The following INTU variants were observed in gnomAD, a reference collection of about 807,000 sequenced individuals.
The protein encoded by INTU is protein inturned.
In INTU, 68 loss-of-function variants were observed where a neutral mutation model predicts 100.5. The observed-to-expected ratio is 0.68, with a 90% CI of 0.56 to 0.83. The LOEUF is 0.83. Among genes scored for constraint, INTU ranks in the 40% least tolerant of loss-of-function variants. INTU has a pLI of 0.00. For missense variants in INTU, 1,071 were observed against 1,114.7 expected (o/e 0.96, Z 0.56); for synonymous variants, 357 against 395.7 (o/e 0.90, Z 1.16).
At chr4:127,638,085 C>A (rs1363297435) in intron 1 of INTU, among the ~76,000 whole-genome samples, 1 of 152,056 alleles carries the variant, frequency 6.6e-6, no homozygotes, top group Non-Finnish European at 1.5e-5. Context: ...GATCAGAAGA[C>A]CATCAAGAGT....
intron 2 of INTU, among the ~76,000 whole-genome samples, chr4:127,655,608 A>G (rs936780095): frequency 1.3e-5 from 2 of 151,226 alleles, no homozygotes; most frequent in Admixed American, 1.3e-4. Flanking sequence ...GTGCTGGGAG[A>G]ACCACTGCTC....
intron 2 of INTU, among the ~76,000 whole-genome samples, chr4:127,651,895 T>A (rs1330401869): frequency 2.0e-5 from 3 of 151,266 alleles, no homozygotes; most frequent in Non-Finnish European, 3.0e-5. Flanking sequence ...TTTATTTCCT[T>A]GAGCAGTGGT....
intron 15 of INTU, among the ~76,000 whole-genome samples, chr4:127,715,568 A>G (rs62334041): frequency 0.018 from 2,779 of 152,288 alleles, 46 homozygotes; most frequent in Non-Finnish European, 0.028. Context: ...ACATCAGTGT[A>G]AGCTTAATTC....
intron 1 of INTU, among the ~76,000 whole-genome samples, chr4:127,638,402 C>T (rs1359882902): frequency 3.3e-5 from 5 of 152,106 alleles, no homozygotes; most frequent in South Asian, 2.1e-4. Context: ...AGGAAATGTG[C>T]CAGTGGGGCT....
chr4:127,635,902 G>A (rs1209159948), intron 1 of INTU, among the ~76,000 whole-genome samples: 5 of 152,092 alleles, frequency 3.3e-5, no homozygotes, highest in Non-Finnish European at 1.5e-5. Flanking sequence ...CAGTATGAAT[G>A]TTCTTTTTTG....
Position 127,643,845 on chromosome 4 carries a change from A to T in INTU, c.471A>T (p.Arg157=), listed in dbSNP as rs3749507. 6.2e-7 allele frequency: 1 copy of T among 1,613,716 alleles called. No homozygotes were observed. The highest frequency in any genetic ancestry group is 1.1e-5 in the South Asian group (1 of 91,068). ...AGACAGGAGTCATTGTCCAACAGCG[A>T]TACAAAGATGTGAATGTTTATGTAA... ...NQKTGVIVQQ[R]YKDVNVYVNP... The change falls in exon 2 of 16, where the codon CGA becomes CGT. Residue 157 remains arginine (R), a synonymous_variant. Coordinates refer to ENST00000335251, the MANE Select transcript of INTU (RefSeq NM_015693.4).
chr4:127,672,074 T>C (rs1240941602), intron 5 of INTU, among the ~76,000 whole-genome samples: 2 of 152,132 alleles, frequency 1.3e-5, no homozygotes, highest in Non-Finnish European at 2.9e-5. Context: ...ATGGTTACAC[T>C]AAAAGCCCAG....
rs1731338258 is a variant in INTU, at chr4:127,720,989, T to A, written c.*4553T>A. On this transcript the variant is annotated 3_prime_UTR_variant, in exon 16 of 16. Coordinates refer to ENST00000335251, the MANE Select transcript of INTU (RefSeq NM_015693.4). The stretch of plus-strand genomic sequence containing the variant: ...TTTACATTTAAGGTTAATATTGTTA[T>A]GTGTGAATTTTATCCTGACATCATG... 1 of 152,202 alleles carries A rather than the reference T, an allele frequency of 6.6e-6. No homozygotes were observed. The highest frequency in any genetic ancestry group is 2.1e-4 in the South Asian group (1 of 4,834). The allele number at this position is 152,202 out of a possible 1,614,324, so 9.4% of individuals were successfully genotyped here.
rs560759391 is a variant in INTU at position 127,713,783 on chromosome 4, T to A, written c.2560-153T>A. 1.9e-3 allele frequency among the ~76,000 whole-genome samples: 291 copies of A among 152,310 alleles called. 2 individuals carry two copies. Among genetic ancestry groups the A allele is most frequent in the African/African-American group, 6.6e-3 (273 of 41,568 alleles). The stretch of plus-strand genomic sequence containing the variant: ...CTCCTTTAGGATATGGTATTTAAGT[T>A]TTGAGGAAGAGTAGAAATTTTCCTG... On this transcript the variant is annotated intron_variant, in intron 14 of 15. Coordinates refer to ENST00000335251, the MANE Select transcript of INTU (RefSeq NM_015693.4).
intron 2 of INTU, among the ~76,000 whole-genome samples, chr4:127,656,043 C>A (rs1036937629): frequency 2.6e-5 from 4 of 152,218 alleles, no homozygotes; most frequent in African/African-American, 9.6e-5. Flanking sequence ...TGACCCCTTG[C>A]GCTTCCCAAG....
intron 8 of INTU, among the ~76,000 whole-genome samples, chr4:127,697,221 G>A (rs565446130): frequency 4.7e-4 from 72 of 152,088 alleles, no homozygotes; most frequent in East Asian, 4.2e-3. Flanking sequence ...AACCATCGCC[G>A]CAATCAATTT....
At chr4:127,657,049 TAGTC>T (rs894605967) in intron 3 of INTU, among the ~76,000 whole-genome samples, 2 of 152,186 alleles carry the variant, frequency 1.3e-5, no homozygotes, top group African/African-American at 4.8e-5. Flanking sequence ...TCATTTTAAA[TAGTC>T]AGGGAGTTTT....
chr4:127,645,851 A>G (rs1727557800), intron 2 of INTU, among the ~76,000 whole-genome samples: 1 of 152,022 alleles, frequency 6.6e-6, no homozygotes, highest in African/African-American at 2.4e-5. Context: ...GGCGTGAGCC[A>G]CCGTGCCTGG....
At chr4:127,669,196 T>G (rs1196185062) in intron 5 of INTU, 42 bp downstream of exon 5, 2 of 926,148 alleles carry the variant, frequency 2.2e-6, no homozygotes, top group Non-Finnish European at 3.4e-6. Context: ...TTTTTCAAGT[T>G]CTTTTATTTC....
intron 3 of INTU, among the ~76,000 whole-genome samples, chr4:127,661,243 C>G (rs1728462837): frequency 6.6e-6 from 1 of 152,240 alleles, no homozygotes; most frequent in South Asian, 2.1e-4. Flanking sequence ...CACTAGTTTT[C>G]AAGTATGTTG....
At chr4:127,642,447 T>C (rs1727375966) in intron 1 of INTU, among the ~76,000 whole-genome samples, 1 of 152,214 alleles carries the variant, frequency 6.6e-6, no homozygotes, top group Non-Finnish European at 1.5e-5. Context: ...TTTTGGGGGC[T>C]AATTTTCAAA....
rs1017276255 is a variant in INTU, at chr4:127,720,750, A to C, written c.*4314A>C. On this transcript the variant is annotated 3_prime_UTR_variant, in exon 16 of 16. Coordinates refer to ENST00000335251, the MANE Select transcript of INTU (RefSeq NM_015693.4). ...TATGTAATGCCTTTGTCTTTTTTTTAATCTTTATTCGTTTAAAGTCTTTGT... is the reference window on the plus strand; with the variant it reads ...TATGTAATGCCTTTGTCTTTTTTTTCATCTTTATTCGTTTAAAGTCTTTGT... The C allele has an allele frequency of 2.6e-5, 4 of 151,822 alleles. No individual in the cohort carries two copies. In the South Asian group the frequency reaches 8.3e-4, roughly 31 times the overall value. 9.4% of individuals were successfully genotyped at this position (151,822 alleles called of 1,614,324 possible).
intron 2 of INTU, among the ~76,000 whole-genome samples, chr4:127,655,853 T>A (rs542184420): frequency 1.7e-3 from 265 of 152,294 alleles, no homozygotes; most frequent in African/African-American, 5.9e-3. Flanking sequence ...GATCTCAGAC[T>A]GCTGTGCTAG....
At chr4:127,671,310 G>A (rs1168198611) in intron 5 of INTU, among the ~76,000 whole-genome samples, 3 of 152,044 alleles carry the variant, frequency 2.0e-5, no homozygotes, top group Non-Finnish European at 4.4e-5. Flanking sequence ...CAAAGGACAT[G>A]AACAGACATT....
Sources: gnomAD v4.1 joint callset for allele counts (sites outside exome capture counted in the v4.1 genomes callset) on GRCh38, gnomAD v4.1.1 for gene constraint, MANE v1.5 for transcripts, NCBI Gene and HGNC (gene_info 2026-07-23, HGNC 2026-07-21) for gene names.